The following SHQ1 variants were observed in gnomAD, a reference collection of about 807,000 sequenced individuals.
SHQ1 encodes the protein SHQ1, H/ACA ribonucleoprotein assembly factor.
SHQ1 carries 49 observed loss-of-function variants against 53.8 expected under a neutral mutation model. The ratio of observed to expected loss-of-function variants is 0.91; its 90% CI spans 0.72 to 1.16. The LOEUF is 1.16. SHQ1 is among the 50% of genes most tolerant of loss of function. The pLI is 0.00. For synonymous variants in SHQ1, 243 were observed against 251.0 expected (o/e 0.97, Z 0.30); for missense variants, 738 against 683.1 (o/e 1.08, Z -0.90).
chr3:72,814,031 G>A (rs1247139855), intron 8 of SHQ1, among the ~76,000 whole-genome samples: 1 of 151,658 alleles, frequency 6.6e-6, no homozygotes, highest in Non-Finnish European at 1.5e-5. Context: ...GATAAACAAA[G>A]TATAAAAAAT....
downstream of SHQ1, among the ~76,000 whole-genome samples, chr3:72,746,906 T>A (rs1327569734): frequency 6.6e-6 from 1 of 152,198 alleles, no homozygotes; most frequent in East Asian, 1.9e-4. Context: ...AGAAATGCAT[T>A]TTCAATGGTC....
intron 4 of SHQ1, among the ~76,000 whole-genome samples, chr3:72,837,830 T>C (rs1241317695): frequency 6.6e-6 from 1 of 152,250 alleles, no homozygotes; most frequent in Non-Finnish European, 1.5e-5. Flanking sequence ...CAGCTGTGAA[T>C]GAAGAAGAAC....
downstream of SHQ1, among the ~76,000 whole-genome samples, chr3:72,744,828 A>G (rs150480535): frequency 4.7e-5 from 7 of 147,888 alleles, no homozygotes; most frequent in East Asian, 1.5e-3. Flanking sequence ...TCTAATGGAG[A>G]CCCCTGACCA....
intron 8 of SHQ1, 91 bp downstream of exon 8, chr3:72,815,258 AG>A (rs1575717038): frequency 2.0e-6 from 2 of 1,021,718 alleles, no homozygotes; most frequent in Non-Finnish European, 3.0e-6. Context: ...TAAAAATTCA[AG>A]GAATTGCTTG....
At position 72,846,424 on chromosome 3, in the gene SHQ1, T is replaced by C. The variant is rs565004964; in HGVS notation, c.143+1774A>G. The C allele has an allele frequency of 3.2e-5, 28 of 885,376 alleles. No individual in the cohort carries two copies. The South Asian group carries it at 3.9e-4, about 12-fold the overall frequency. 54.8% of individuals were successfully genotyped at this position (885,376 alleles called of 1,614,324 possible). On this transcript the variant is annotated intron_variant, in intron 1 of 10. Transcript: ENST00000325599. ...ATTCTCTCACCTCAAGCTTCCCAAGTAGCTAGGACTACAAGCGCGTGCCAT... is the reference window on the plus strand; with the variant it reads ...ATTCTCTCACCTCAAGCTTCCCAAGCAGCTAGGACTACAAGCGCGTGCCAT...
At position 72,772,777 on chromosome 3, in the gene SHQ1, G is replaced by T. The variant is rs868309651; in HGVS notation, c.1181+20139C>A. ...TCATGGAATCCCTATAAAAAGTCCT[G>T]ATGATGATCTTGATGGAGTGCCTTT... On this transcript the variant is annotated intron_variant, in intron 10 of 10. Transcript: ENST00000325599. 1.8e-5 allele frequency: 14 copies of T among 759,166 alleles called. No homozygotes were observed. The African/African-American group carries it at 2.4e-4, about 13-fold the overall frequency. The allele number at this position is 759,166 out of a possible 1,614,324, so 47.0% of individuals were successfully genotyped here.
chr3:72,793,714 G>A (rs1162454759), intron 9 of SHQ1: 2 of 151,994 alleles, frequency 1.3e-5, no homozygotes, highest in Non-Finnish European at 2.9e-5. Context: ...ACATAACATG[G>A]AAAACTGTAT....
chr3:72,732,828 G>T, the SHQ1 span, among the ~76,000 whole-genome samples: 49 of 151,546 alleles, frequency 3.2e-4, no homozygotes, highest in East Asian at 2.7e-3. Flanking sequence ...AATGATCACA[G>T]CAGAGGCCAG....
chr3:72,808,025 C>A lies in SHQ1; in HGVS notation c.1060+4646G>T, dbSNP rs944863453. On this transcript the variant is annotated intron_variant, in intron 9 of 10. Transcript: ENST00000325599. ...TATTAGAAAGTAGGTTTCTATTAAC[C>A]TTAAAAACAAAACAGCAAATAGAAA... 5.9e-5 allele frequency among the ~76,000 whole-genome samples: 9 copies of A among 152,122 alleles called. No individual in the cohort carries two copies. The South Asian group carries it at 1.5e-3, about 25-fold the overall frequency.
chr3:72,736,404 C>T, the SHQ1 span, among the ~76,000 whole-genome samples: 2 of 151,534 alleles, frequency 1.3e-5, no homozygotes. Flanking sequence ...GACCAAGGGG[C>T]AGAATCAAGG....
chr3:72,806,581 AGATAG>A (rs1267402723), intron 9 of SHQ1, among the ~76,000 whole-genome samples: 1 of 152,234 alleles, frequency 6.6e-6, no homozygotes, highest in African/African-American at 2.4e-5. Context: ...CAGTTAACTC[AGATAG>A]GAAAGAAACT....
intron 6 of SHQ1, among the ~76,000 whole-genome samples, chr3:72,819,138 A>T (rs1487799919): frequency 6.6e-6 from 1 of 152,232 alleles, no homozygotes; most frequent in Non-Finnish European, 1.5e-5. Context: ...TTTGTTATGC[A>T]GCAAGAGAAA....
At chr3:72,841,697 C>A (rs1430020851) in intron 3 of SHQ1, among the ~76,000 whole-genome samples, 1 of 152,176 alleles carries the variant, frequency 6.6e-6, no homozygotes, top group African/African-American at 2.4e-5. Flanking sequence ...TTGTGGAAGA[C>A]AACTTTTCCA....
In SHQ1 at chr3:72,844,438, CAG is replaced by C; in HGVS notation, c.144-17_144-16del. 2 of 1,610,386 alleles carry C rather than the reference CAG, an allele frequency of 1.2e-6. No individual in the cohort carries two copies. The highest frequency in any genetic ancestry group is 1.7e-6 in the Non-Finnish European group (2 of 1,176,736). ...GAAGGGTTAATCTGCAGATTTAACA[CAG>C]GTCTCATGAAGTCCTTAAATTATAA... On this transcript the variant is annotated splice_polypyrimidine_tract_variant and intron_variant, in intron 1 of 10. Coordinates refer to ENST00000325599, the MANE Select transcript of SHQ1 (RefSeq NM_018130.3).
chr3:72,837,393 G>A (rs930995165), intron 4 of SHQ1, among the ~76,000 whole-genome samples: 3 of 151,946 alleles, frequency 2.0e-5, no homozygotes, highest in Non-Finnish European at 4.4e-5. Context: ...TTCTGTAAAG[G>A]GCTAAATTAT....
At chr3:72,751,508 G>GTGTGTGTGTGTATA (rs1210782182) in intron 10 of SHQ1, among the ~76,000 whole-genome samples, 2 of 116,984 alleles carry the variant, frequency 1.7e-5, no homozygotes, top group African/African-American at 8.9e-5. Context: ...GTGTGTGTGT[G>GTGTGTGTGTGTATA]TATATATATA....
chr3:72,848,122 C>T, intron 1 of SHQ1, 76 bp downstream of exon 1: 2 of 1,577,348 alleles, frequency 1.3e-6, no homozygotes, highest in Non-Finnish European at 1.7e-6. Flanking sequence ...GCACTGCTCT[C>T]TCGACCTTGC....
At chr3:72,832,877 C>T (rs946373874) in intron 4 of SHQ1, among the ~76,000 whole-genome samples, 1 of 152,170 alleles carries the variant, frequency 6.6e-6, no homozygotes, top group Non-Finnish European at 1.5e-5. Context: ...GACATCTACA[C>T]GGTCTCTTCT....
intron 10 of SHQ1, among the ~76,000 whole-genome samples, chr3:72,781,735 G>T (rs1485469741): frequency 5.9e-5 from 9 of 151,932 alleles, no homozygotes; most frequent in Admixed American, 5.9e-4. Context: ...AGGAATGGCT[G>T]TTCCATGAAG....
Sources: gnomAD v4.1 joint callset for allele counts (sites outside exome capture counted in the v4.1 genomes callset) on GRCh38, gnomAD v4.1.1 for gene constraint, MANE v1.5 for transcripts, NCBI Gene and HGNC (gene_info 2026-07-23, HGNC 2026-07-21) for gene names.